PLEKHM3: variants seen among roughly 807,000 people sequenced by gnomAD.
PLEKHM3 encodes the protein pleckstrin homology domain-containing family M member 3.
PLEKHM3 carries 45 observed loss-of-function variants against 81.8 expected under a neutral mutation model. That is an observed-to-expected ratio of 0.55 (90% CI 0.43 to 0.71). PLEKHM3 has a LOEUF of 0.71. PLEKHM3 is among the 30% of genes least tolerant of loss of function. PLEKHM3 has a pLI of 0.00. For missense variants in PLEKHM3, 788 were observed against 924.3 expected (o/e 0.85, Z 1.91); for synonymous variants, 352 against 356.4 (o/e 0.99, Z 0.14).
rs181717536 is a variant in PLEKHM3, at chr2:207,936,607, G to A, written c.1693-5488C>T. ...AGGGGAAGAGAGGCACCTACAGGAA[G>A]CTACAAGGTGAAAACAAAGAGCATA... On this transcript the variant is annotated intron_variant, in intron 4 of 7. Coordinates refer to ENST00000427836, the MANE Select transcript of PLEKHM3 (RefSeq NM_001080475.3). 1.7e-3 allele frequency among the ~76,000 whole-genome samples: 254 copies of A among 152,238 alleles called. 4 individuals carry two copies. In the South Asian group the frequency reaches 0.029, roughly 17 times the overall value.
chr2:207,985,395 CCTTATATTT>C (rs1691682687), intron 2 of PLEKHM3, among the ~76,000 whole-genome samples: 1 of 151,730 alleles, frequency 6.6e-6, no homozygotes, highest in Non-Finnish European at 1.5e-5. Context: ...GTCATTTTTG[CCTTATATTT>C]CAAATACTAT....
chr2:207,874,389 A>G (rs2092550386), intron 6 of PLEKHM3, among the ~76,000 whole-genome samples: 1 of 152,024 alleles, frequency 6.6e-6, no homozygotes, highest in Admixed American at 6.5e-5. Context: ...AGCCTGACCA[A>G]AATGGACAAA....
chr2:207,925,652 T>G lies in PLEKHM3; in HGVS notation c.1886+5274A>C, dbSNP rs1689368797. Among the ~76,000 whole-genome samples the G allele has an allele frequency of 2.0e-5, 3 of 152,234 alleles. No individual in the cohort carries two copies. The South Asian group carries it at 6.2e-4, about 32-fold the overall frequency. On this transcript the variant is annotated intron_variant, in intron 5 of 7. Transcript: ENST00000427836. ...AACCACCTCCATTTGTGTCCTCACT[T>G]TTTTCTTTTTTCTCAGTTTGCCCCA...
At chr2:207,988,861 T>C (rs758699344) in intron 2 of PLEKHM3, among the ~76,000 whole-genome samples, 3 of 152,200 alleles carry the variant, frequency 2.0e-5, no homozygotes, top group Non-Finnish European at 4.4e-5. Context: ...TCCTCTCTTA[T>C]GTTCCTTGAA....
At chr2:207,995,411 G>GGGT (rs1692088032) in intron 2 of PLEKHM3, among the ~76,000 whole-genome samples, 1 of 152,190 alleles carries the variant, frequency 6.6e-6, no homozygotes, top group African/African-American at 2.4e-5. Flanking sequence ...CCCCCATAGA[G>GGGT]ATTTACTGCC....
intron 7 of PLEKHM3, among the ~76,000 whole-genome samples, chr2:207,837,657 G>A (rs1406817686): frequency 2.5e-4 from 23 of 92,626 alleles, no homozygotes. Context: ...TTTTTGAGAT[G>A]GAGTCAGGCT....
intron 1 of PLEKHM3, among the ~76,000 whole-genome samples, chr2:208,007,481 G>A (rs1444734760): frequency 1.3e-5 from 2 of 152,144 alleles, no homozygotes; most frequent in African/African-American, 4.8e-5. Context: ...GAGCTCAGAG[G>A]CCTATCAGAT....
rs56020499 is a variant in PLEKHM3, at chr2:207,904,780, G to A, written c.1950+3734C>T. On this transcript the variant is annotated intron_variant, in intron 6 of 7. Coordinates refer to ENST00000427836, the MANE Select transcript of PLEKHM3 (RefSeq NM_001080475.3). ...CTGTCTTGAATGTAACAAAAGCAGC[G>A]GTAAGGTAGCTTGAAATCTTCAGCC... Among the ~76,000 whole-genome samples, 41 of 152,222 alleles carry A rather than the reference G, an allele frequency of 2.7e-4. No homozygotes were observed. The South Asian group carries it at 3.7e-3, about 14-fold the overall frequency.
intron 4 of PLEKHM3, among the ~76,000 whole-genome samples, chr2:207,941,700 G>T (rs901879970): frequency 6.6e-6 from 1 of 152,130 alleles, no homozygotes; most frequent in Non-Finnish European, 1.5e-5. Context: ...CAAAATGGAA[G>T]AAAATATGTG....
chr2:207,964,307 G>T (rs1035962540), intron 3 of PLEKHM3, among the ~76,000 whole-genome samples: 1 of 152,106 alleles, frequency 6.6e-6, no homozygotes, highest in Non-Finnish European at 1.5e-5. Context: ...AAATCCCAGA[G>T]ATTCTGATTT....
At chr2:207,935,308 A>G (rs557861474) in intron 4 of PLEKHM3, among the ~76,000 whole-genome samples, 1 of 152,304 alleles carries the variant, frequency 6.6e-6, no homozygotes, top group South Asian at 2.1e-4. Context: ...TCTCAAAGCT[A>G]TTTTACTACA....
intron 1 of PLEKHM3, among the ~76,000 whole-genome samples, chr2:208,011,064 C>CAAAAAAAAAAA (rs10587149): frequency 1.5e-5 from 1 of 65,056 alleles, no homozygotes; most frequent in Non-Finnish European, 4.0e-5. Context: ...TGGCCATAAT[C>CAAAAAAAAAAA]AAAAAAAAAA....
Position 207,926,973 on chromosome 2 carries a change from T to C in PLEKHM3, c.1886+3953A>G, listed in dbSNP as rs932138215. On this transcript the variant is annotated intron_variant, in intron 5 of 7. Coordinates refer to ENST00000427836, the MANE Select transcript of PLEKHM3 (RefSeq NM_001080475.3). ...TATTAACAGTTTGCTTTATTCTGTT[T>C]ATATGGTGCTGACAGGTCTTCGGCA... Among the ~76,000 whole-genome samples the C allele has an allele frequency of 2.5e-4, 38 of 152,340 alleles. 1 individual carries two copies. The highest frequency in any genetic ancestry group is 1.9e-4 in the East Asian group (1 of 5,190).
intron 6 of PLEKHM3, among the ~76,000 whole-genome samples, chr2:207,874,441 G>C (rs1049403925): frequency 1.3e-5 from 2 of 151,896 alleles, no homozygotes; most frequent in Non-Finnish European, 2.9e-5. Flanking sequence ...AGGCGTGATG[G>C]CACACGCCTG....
intron 3 of PLEKHM3, among the ~76,000 whole-genome samples, chr2:207,957,377 G>A (rs1350210183): frequency 2.0e-5 from 3 of 152,292 alleles, no homozygotes; most frequent in African/African-American, 4.8e-5. Context: ...TTAAATTTAC[G>A]TAAGATGCAG....
intron 6 of PLEKHM3, among the ~76,000 whole-genome samples, chr2:207,907,329 C>G (rs1449722710): frequency 6.6e-6 from 1 of 151,974 alleles, no homozygotes; most frequent in Non-Finnish European, 1.5e-5. Flanking sequence ...TGGTGAAACC[C>G]CATCTCTACT....
intron 1 of PLEKHM3, among the ~76,000 whole-genome samples, chr2:208,017,757 G>A (rs1454012336): frequency 2.6e-5 from 4 of 152,068 alleles, no homozygotes; most frequent in African/African-American, 9.7e-5. Context: ...CACAGGAAAA[G>A]GTCACCAGTG....
intron 3 of PLEKHM3, among the ~76,000 whole-genome samples, chr2:207,958,546 C>A (rs1414885973): frequency 6.6e-6 from 1 of 152,170 alleles, no homozygotes; most frequent in South Asian, 2.1e-4. Flanking sequence ...ATCTCACCAT[C>A]CTTGAAACAA....
At chr2:208,019,397 ATCT>A (rs1366218753) in intron 1 of PLEKHM3, among the ~76,000 whole-genome samples, 1 of 151,924 alleles carries the variant, frequency 6.6e-6, no homozygotes, top group Non-Finnish European at 1.5e-5. Context: ...CATCACCCTC[ATCT>A]TCTTTATCAA....
Sources: allele counts gnomAD v4.1 joint callset (sites outside exome capture counted in the v4.1 genomes callset), GRCh38; gene constraint gnomAD v4.1.1; transcripts MANE v1.5; gene names NCBI Gene and HGNC (gene_info 2026-07-23, HGNC 2026-07-21).